POLR1A: variants seen among roughly 807,000 people sequenced by gnomAD.
The protein encoded by POLR1A is RNA polymerase I subunit A.
Under a neutral mutation model 205.3 loss-of-function variants are expected in POLR1A, and 84 were observed. The observed-to-expected ratio is 0.41, with a 90% confidence interval of 0.34 to 0.49. The LOEUF (loss-of-function observed/expected upper bound fraction) is 0.49, where lower values mean the gene tolerates loss of function less well. POLR1A is among the 20% of genes least tolerant of loss of function. The probability of loss-of-function intolerance (pLI) is 0.22; values close to 1 mark genes in which losing one functional copy is unlikely to be tolerated. For synonymous variants in POLR1A, 799 were observed against 863.7 expected, an observed-to-expected ratio of 0.93 and a Z score of 1.31; for missense variants, 1,645 against 2,204.5, an observed-to-expected ratio of 0.75 and a Z score of 5.08.
At chr2:86,104,554 T>TC (rs1299201990) in intron 1 of POLR1A, among the ~76,000 whole-genome samples, 3 of 151,708 alleles carry the variant, frequency 2.0e-5, no homozygotes, top group Admixed American at 2.0e-4. Context: ...TTCAAGCGAT[T>TC]CTCCTGCCTC....
At chr2:86,090,133 C>T (rs966840976) in intron 3 of POLR1A, among the ~76,000 whole-genome samples, 3 of 152,122 alleles carry the variant, frequency 2.0e-5, no homozygotes, top group African/African-American at 7.2e-5. Flanking sequence ...GTGGCTCACA[C>T]CTGTAATCCC....
chr2:86,075,382 CAAG>C (rs1425438433), intron 11 of POLR1A, 122 bp from the exon 12 acceptor site: 5 of 702,748 alleles, frequency 7.1e-6, no homozygotes, highest in East Asian at 2.7e-5. Context: ...TTGACTTGGC[CAAG>C]AAGGTCTTCC....
chr2:86,092,826 A>C (rs993816666), intron 3 of POLR1A, among the ~76,000 whole-genome samples: 13 of 152,138 alleles, frequency 8.5e-5, no homozygotes, highest in African/African-American at 1.7e-4. Flanking sequence ...CTCTCTCTCA[A>C]AAAAAAAGAA....
chr2:86,084,796 T>G (rs569066093), intron 6 of POLR1A, among the ~76,000 whole-genome samples: 1 of 151,190 alleles, frequency 6.6e-6, no homozygotes, highest in African/African-American at 2.4e-5. Flanking sequence ...CCTCCTCCAT[T>G]TTTAAAAACT....
At chr2:86,066,238 T>C (rs1369084791) in intron 13 of POLR1A, among the ~76,000 whole-genome samples, 1 of 152,086 alleles carries the variant, frequency 6.6e-6, no homozygotes, top group Middle Eastern at 3.2e-3. Flanking sequence ...CTGATGTGCA[T>C]GACTGCAGAA....
intron 27 of POLR1A, among the ~76,000 whole-genome samples, chr2:86,034,848 C>T (rs1188321715): frequency 6.6e-6 from 1 of 152,176 alleles, no homozygotes; most frequent in Non-Finnish European, 1.5e-5. Context: ...GAATGCCACT[C>T]ATCTTCCCTA....
At chr2:86,051,547 G>C (rs550309975) in intron 16 of POLR1A, among the ~76,000 whole-genome samples, 8 of 152,256 alleles carry the variant, frequency 5.3e-5, no homozygotes, top group Non-Finnish European at 8.8e-5. Flanking sequence ...AAGCAAAGGA[G>C]CCTTACTTCC....
chr2:86,097,859 T>C (rs1220163512), intron 3 of POLR1A, among the ~76,000 whole-genome samples: 5 of 152,050 alleles, frequency 3.3e-5, no homozygotes, highest in Non-Finnish European at 5.9e-5. Flanking sequence ...AACAATAATA[T>C]AGTTTCAAAC....
rs536550979 is a variant in POLR1A at position 86,040,074 on chromosome 2, C to G, written c.3740+318G>C. The G allele has an allele frequency of 2.0e-5, 5 of 251,608 alleles. No homozygotes were observed. In the East Asian group the frequency reaches 3.9e-4, roughly 20 times the overall value. 15.6% of individuals were successfully genotyped at this position (251,608 alleles called of 1,614,324 possible). A position where few individuals can be genotyped will look rare whatever the true frequency, so the allele number is the denominator to read the frequency against. ...TCCCCTGGAGTTGGGCAACCAGGCACCTTGTGTGGGGCTTGTTAACAATGT... is the reference window on the plus strand; with the variant it reads ...TCCCCTGGAGTTGGGCAACCAGGCAGCTTGTGTGGGGCTTGTTAACAATGT... On this transcript the variant is annotated intron_variant, in intron 25 of 33. Coordinates refer to ENST00000263857, the MANE Select transcript of POLR1A (RefSeq NM_015425.6).
At chr2:86,041,547 C>T (rs775528954) in intron 24 of POLR1A, among the ~76,000 whole-genome samples, 6 of 152,130 alleles carry the variant, frequency 3.9e-5, no homozygotes, top group African/African-American at 1.2e-4. Context: ...CTGGGTCACA[C>T]GGTTGGCAGC....
chr2:86,086,079 A>G (rs1300371499), intron 6 of POLR1A, among the ~76,000 whole-genome samples: 3 of 150,348 alleles, frequency 2.0e-5, no homozygotes, highest in Non-Finnish European at 3.0e-5. Context: ...TTTCTTTGAG[A>G]TGGGGTTTCG....
chr2:86,038,047 C>T (rs907013604), intron 27 of POLR1A, among the ~76,000 whole-genome samples: 2 of 152,210 alleles, frequency 1.3e-5, no homozygotes, highest in African/African-American at 4.8e-5. Flanking sequence ...TGGGCTCTTC[C>T]AGTCTTGCCC....
intron 24 of POLR1A, among the ~76,000 whole-genome samples, chr2:86,041,354 T>C (rs1311954694): frequency 6.6e-6 from 1 of 150,618 alleles, no homozygotes; most frequent in Non-Finnish European, 1.5e-5. Context: ...CTCAAAGGTG[T>C]GTGTGTGTGT....
chr2:86,078,257 G>C lies in POLR1A; in HGVS notation c.1114C>G (p.Arg372Gly), dbSNP rs752860605. Reference sequence around the variant, plus strand: ...CCTGGAAGTGTACTCAAAAAGGATCGGTCAATAGCAATCAAAGAGTCTTTT... The same window carrying C: ...CCTGGAAGTGTACTCAAAAAGGATCCGTCAATAGCAATCAAAGAGTCTTTT... The part of the protein sequence containing the change: ...EEKDSLIAID[R>G]SFLSTLPGQS... The change falls in exon 10 of 34, where the codon CGA becomes GGA. Residue 372 changes from arginine (R) to glycine (G), a missense_variant. By Grantham distance (125) the Arg-to-Gly change is moderately radical (BLOSUM62 -2). Around this residue, in one of 16 missense-constraint regions of POLR1A, gnomAD observed 78 missense variants for 77.7 expected, o/e 1.00. Transcript: ENST00000263857. 9.1e-5 allele frequency: 144 copies of C among 1,580,222 alleles called. No individual in the cohort carries two copies. The highest frequency in any genetic ancestry group is 1.2e-4 in the Non-Finnish European group (144 of 1,168,776).
Position 86,027,114 on chromosome 2 carries a change from A to T in POLR1A, c.*309T>A. The stretch of plus-strand genomic sequence containing the variant: ...GAATCAGGACTTCTCCTTAGGGGTT[A>T]TGCCACAGAGGCCTCCTGCAGCACA... On this transcript the variant is annotated 3_prime_UTR_variant, in exon 34 of 34. Coordinates refer to ENST00000263857, the MANE Select transcript of POLR1A (RefSeq NM_015425.6). 1 of 418,120 alleles carries T rather than the reference A, an allele frequency of 2.4e-6. No individual in the cohort carries two copies. The highest frequency in any genetic ancestry group is 4.4e-6 in the Non-Finnish European group (1 of 225,802). The allele number at this position is 418,120 out of a possible 1,614,324, so 25.9% of individuals were successfully genotyped here.
At chr2:86,101,885 G>A (rs372835756) in intron 1 of POLR1A, among the ~76,000 whole-genome samples, 2 of 152,248 alleles carry the variant, frequency 1.3e-5, no homozygotes, top group African/African-American at 2.4e-5. Context: ...GAATCACACC[G>A]TACTTGTCCT....
At chr2:86,038,599 G>A (rs1242067157) in intron 27 of POLR1A, 101 bp downstream of exon 27, 8 of 1,168,446 alleles carry the variant, frequency 6.8e-6, no homozygotes, top group Non-Finnish European at 9.9e-6. Context: ...TTTGGGCAAA[G>A]GCACTCAATC....
intron 22 of POLR1A, 62 bp downstream of exon 22, chr2:86,044,077 C>A: frequency 6.4e-7 from 1 of 1,554,420 alleles, no homozygotes; most frequent in South Asian, 1.1e-5. Flanking sequence ...CATTCCAGTT[C>A]TCTAACCTCG....
chr2:86,044,046 A>G, intron 22 of POLR1A, 93 bp downstream of exon 22: 1 of 1,239,878 alleles, frequency 8.1e-7, no homozygotes, highest in South Asian at 1.3e-5. Flanking sequence ...GGCCACTTGG[A>G]CTGGGTTGCA....
Sources: allele counts gnomAD v4.1 joint callset (sites outside exome capture counted in the v4.1 genomes callset), GRCh38; gene constraint gnomAD v4.1.1; regional missense constraint gnomAD v4.1.1; transcripts MANE v1.5; gene names NCBI Gene and HGNC (gene_info 2026-07-23, HGNC 2026-07-21).